C3orf20: variants seen among roughly 807,000 people sequenced by gnomAD.
The protein encoded by C3orf20 is uncharacterized protein C3orf20.
A neutral mutation model predicts 88.3 loss-of-function variants in C3orf20; 76 were observed. The ratio of observed to expected loss-of-function variants is 0.86; its 90% CI spans 0.72 to 1.04. The LOEUF (loss-of-function observed/expected upper bound fraction) is 1.04, where lower values mean the gene tolerates loss of function less well. C3orf20 is among the 50% of genes least tolerant of loss of function. The pLI, the probability that C3orf20 is intolerant of heterozygous loss-of-function variation, is 0.00. For missense variants in C3orf20, 1,056 were observed against 1,123.3 expected, an observed-to-expected ratio of 0.94 and a Z score of 0.86; for synonymous variants, 436 against 437.4, an observed-to-expected ratio of 1.00 and a Z score of 0.04.
chr3:14,720,437 A>G (rs1019451896), intron 9 of C3orf20, among the ~76,000 whole-genome samples: 1 of 152,202 alleles, frequency 6.6e-6, no homozygotes, highest in Non-Finnish European at 1.5e-5. Context: ...TCCAGACTGC[A>G]GGGTGTGAGG....
intron 12 of C3orf20, among the ~76,000 whole-genome samples, chr3:14,742,691 C>A (rs548886508): frequency 7.2e-5 from 11 of 152,156 alleles, no homozygotes; most frequent in Non-Finnish European, 1.5e-4. Flanking sequence ...AAGACATACC[C>A]GAAACTGGGA....
At chr3:14,720,556 T>C (rs2034118369) in intron 9 of C3orf20, among the ~76,000 whole-genome samples, 1 of 151,600 alleles carries the variant, frequency 6.6e-6, no homozygotes, top group East Asian at 1.9e-4. Context: ...GTTGTTGTTG[T>C]TGTTGTTGTT....
chr3:14,710,238 AGTCT>A (rs1237223140), intron 7 of C3orf20, among the ~76,000 whole-genome samples: 1 of 149,546 alleles, frequency 6.7e-6, no homozygotes, highest in African/African-American at 2.5e-5. Flanking sequence ...TAGGAATTTG[AGTCT>A]TTCTTTTTTT....
intron 12 of C3orf20, among the ~76,000 whole-genome samples, chr3:14,748,423 C>T (rs187832206): frequency 1.3e-5 from 2 of 152,052 alleles, no homozygotes; most frequent in African/African-American, 4.8e-5. Context: ...TGTTGTTTCT[C>T]TCTATGGTTT....
At chr3:14,718,559 T>C (rs2034024908) in intron 9 of C3orf20, among the ~76,000 whole-genome samples, 1 of 152,240 alleles carries the variant, frequency 6.6e-6, no homozygotes. Context: ...GTTGATTATC[T>C]GTTGCTTTGA....
chr3:14,737,930 C>T (rs755034155), intron 12 of C3orf20, among the ~76,000 whole-genome samples: 7 of 152,152 alleles, frequency 4.6e-5, no homozygotes, highest in Non-Finnish European at 8.8e-5. Context: ...CTTTGTTTAT[C>T]CATGAGAAGC....
At chr3:14,684,459 C>G in intron 4 of C3orf20, 77 bp downstream of exon 4, 1 of 1,545,932 alleles carries the variant, frequency 6.5e-7, no homozygotes, top group Middle Eastern at 1.7e-4. Context: ...GGCAAAACCC[C>G]CAGTTTGAAG....
At chr3:14,760,134 G>A in intron 14 of C3orf20, 136 bp downstream of exon 14, 1 of 712,886 alleles carries the variant, frequency 1.4e-6, no homozygotes, top group Non-Finnish European at 2.4e-6. Flanking sequence ...TCCCCACCGT[G>A]GCTGAGGCCC....
chr3:14,731,360 G>A (rs546325711), intron 12 of C3orf20, among the ~76,000 whole-genome samples: 1 of 152,222 alleles, frequency 6.6e-6, no homozygotes, highest in African/African-American at 2.4e-5. Context: ...GTCTCAGGGG[G>A]CCCCCACATC....
chr3:14,710,009 T>A (rs2033678120), intron 7 of C3orf20, among the ~76,000 whole-genome samples: 1 of 152,216 alleles, frequency 6.6e-6, no homozygotes, highest in South Asian at 2.1e-4. Context: ...TTTTCTTTGT[T>A]GGGTGATTTT....
At chr3:14,710,348 C>G (rs553121566) in intron 7 of C3orf20, among the ~76,000 whole-genome samples, 3 of 151,994 alleles carry the variant, frequency 2.0e-5, no homozygotes, top group Admixed American at 2.0e-4. Flanking sequence ...TTCTGTTTTT[C>G]TCCACTCTGA....
In C3orf20 at chr3:14,762,799, C is replaced by T. The variant is rs572852410; in HGVS notation, c.2495+1184C>T. ...GTACCCCCTACTCCCACACAGGACCCTCAGTTTTCTAGGAGTCTTATGCCC... is the reference window on the plus strand; with the variant it reads ...GTACCCCCTACTCCCACACAGGACCTTCAGTTTTCTAGGAGTCTTATGCCC... On this transcript the variant is annotated intron_variant, in intron 15 of 16. Transcript: ENST00000253697. 2.7e-5 allele frequency among the ~76,000 whole-genome samples: 4 copies of T among 149,412 alleles called. No homozygotes were observed. In the South Asian group the frequency reaches 8.4e-4, roughly 31 times the overall value.
intron 5 of C3orf20, among the ~76,000 whole-genome samples, chr3:14,692,979 G>C (rs963728275): frequency 6.6e-6 from 1 of 152,122 alleles, no homozygotes; most frequent in Admixed American, 6.5e-5. Context: ...TGAAAAGATT[G>C]TTCTTTCCCC....
At chr3:14,746,551 C>G (rs1407163257) in intron 12 of C3orf20, among the ~76,000 whole-genome samples, 2 of 152,270 alleles carry the variant, frequency 1.3e-5, no homozygotes, top group East Asian at 3.9e-4. Flanking sequence ...TGGTCAAGAT[C>G]TTTTTCTGAA....
At chr3:14,717,873 T>C (rs2033997304) in intron 9 of C3orf20, among the ~76,000 whole-genome samples, 1 of 152,216 alleles carries the variant, frequency 6.6e-6, no homozygotes, top group African/African-American at 2.4e-5. Context: ...CTTTCAGCAT[T>C]TTAAAGATGT....
intron 12 of C3orf20, among the ~76,000 whole-genome samples, chr3:14,735,408 T>G (rs2034674044): frequency 6.6e-6 from 1 of 152,072 alleles, no homozygotes; most frequent in African/African-American, 2.4e-5. Context: ...TAGTGGTTAC[T>G]CCAGAGACTA....
chr3:14,762,604 A>C (rs1389544769), intron 15 of C3orf20, among the ~76,000 whole-genome samples: 1 of 152,228 alleles, frequency 6.6e-6, no homozygotes, highest in East Asian at 1.9e-4. Flanking sequence ...CAAAATGAGG[A>C]AATAATGCCC....
intron 12 of C3orf20, among the ~76,000 whole-genome samples, chr3:14,741,970 G>A (rs528582540): frequency 6.6e-6 from 1 of 152,196 alleles, no homozygotes; most frequent in Non-Finnish European, 1.5e-5. Flanking sequence ...AAACTGACAT[G>A]GCTCGCTGGT....
rs746206276 is a variant in C3orf20 at position 14,703,277 on chromosome 3, G to A, written c.878+15G>A. 1.9e-6 allele frequency: 3 copies of A among 1,613,864 alleles called. No homozygotes were observed. In the South Asian group the frequency reaches 3.3e-5, roughly 18 times the overall value. On this transcript the variant is annotated intron_variant, in intron 6 of 16. Coordinates refer to ENST00000253697, the MANE Select transcript of C3orf20 (RefSeq NM_032137.5). ...TGTCGCCACATGTGAGCACCTCAGT[G>A]CTTGGGTCGGGGGAGTCAAGGGTTC... is the stretch of plus-strand genomic sequence containing the variant.
Sources: allele counts gnomAD v4.1 joint callset (sites outside exome capture counted in the v4.1 genomes callset), GRCh38; gene constraint gnomAD v4.1.1; transcripts MANE v1.5; gene names NCBI Gene and HGNC (gene_info 2026-07-23, HGNC 2026-07-21).